The following AKAP6 variants were observed in gnomAD, a reference collection of about 807,000 sequenced individuals.
AKAP6 encodes the protein A-kinase anchor protein 6.
AKAP6 carries 58 observed loss-of-function variants against 188.5 expected under a neutral mutation model. That is an observed-to-expected ratio of 0.31 (90% CI 0.25 to 0.38). The LOEUF is 0.38. Among genes scored for constraint, AKAP6 ranks in the 10% least tolerant of loss-of-function variants. The pLI is 1.00. For missense variants in AKAP6, 2,710 were observed against 2,740.0 expected, an observed-to-expected ratio of 0.99 and a Z score of 0.24; for synonymous variants, 989 against 998.6, an observed-to-expected ratio of 0.99 and a Z score of 0.18.
At chr14:32,564,654 A>G (rs773260250) in intron 4 of AKAP6, among the ~76,000 whole-genome samples, 1 of 152,146 alleles carries the variant, frequency 6.6e-6, no homozygotes, top group African/African-American at 2.4e-5. Flanking sequence ...CTTTGAAGGA[A>G]GCTCTATATG....
intron 2 of AKAP6, among the ~76,000 whole-genome samples, chr14:32,517,138 C>A (rs1486385530): frequency 6.6e-6 from 1 of 152,190 alleles, no homozygotes; most frequent in African/African-American, 2.4e-5. Context: ...ATGACAGAAT[C>A]AATTCATTTC....
At chr14:32,432,900 C>T (rs1890266351) in intron 1 of AKAP6, among the ~76,000 whole-genome samples, 1 of 152,094 alleles carries the variant, frequency 6.6e-6, no homozygotes, top group African/African-American at 2.4e-5. Context: ...CGTGTTTCTA[C>T]CCTCATGCTC....
intron 2 of AKAP6, among the ~76,000 whole-genome samples, chr14:32,476,606 A>G (rs79759237): frequency 0.037 from 5,657 of 152,272 alleles, 360 homozygotes; most frequent in African/African-American, 0.13. Flanking sequence ...AAAGATTAAA[A>G]CCTTCAGACA....
chr14:32,457,714 A>G (rs1891191533), intron 2 of AKAP6, among the ~76,000 whole-genome samples: 1 of 152,186 alleles, frequency 6.6e-6, no homozygotes, highest in South Asian at 2.1e-4. Context: ...TCTCCAGACC[A>G]CATGCTTTTC....
chr14:32,507,349 T>G (rs1566544706), intron 2 of AKAP6, among the ~76,000 whole-genome samples: 1 of 152,310 alleles, frequency 6.6e-6, no homozygotes, highest in East Asian at 1.9e-4. Flanking sequence ...ATCCAGTATC[T>G]CACAATGTAA....
At chr14:32,384,037 CACAA>C (rs998664449) in intron 1 of AKAP6, among the ~76,000 whole-genome samples, 2 of 152,124 alleles carry the variant, frequency 1.3e-5, no homozygotes, top group African/African-American at 4.8e-5. Flanking sequence ...GTTCATGACG[CACAA>C]ACAGCCACCA....
At chr14:32,529,963 CTTTTTTTTTTTTTT>C (rs11305618) in intron 2 of AKAP6, among the ~76,000 whole-genome samples, 4 of 62,018 alleles carry the variant, frequency 6.4e-5, no homozygotes, top group East Asian at 5.5e-4. Flanking sequence ...GGTAAAGAAA[CTTTTTTTTTTTTTT>C]TTTTTTTTTT....
intron 9 of AKAP6, among the ~76,000 whole-genome samples, chr14:32,723,593 A>G (rs909107021): frequency 3.6e-4 from 38 of 104,670 alleles, no homozygotes; most frequent in Admixed American, 1.3e-3. Flanking sequence ...GTGTGTGTGT[A>G]TAGGCTTTAA....
intron 8 of AKAP6, among the ~76,000 whole-genome samples, chr14:32,691,125 T>A (rs1418866173): frequency 6.6e-6 from 1 of 152,186 alleles, no homozygotes; most frequent in South Asian, 2.1e-4. Context: ...GGACTCATAG[T>A]TCTTATATTT....
At chr14:32,406,425 G>A (rs544411156) in intron 1 of AKAP6, among the ~76,000 whole-genome samples, 1 of 152,150 alleles carries the variant, frequency 6.6e-6, no homozygotes, top group African/African-American at 2.4e-5. Context: ...GGCCAGGCTG[G>A]TCTTGGGCTC....
rs960510848 is a variant in AKAP6 at position 32,433,067 on chromosome 14, C to A, written c.-34-393C>A. 5.8e-5 allele frequency: 10 copies of A among 172,904 alleles called. No individual in the cohort carries two copies. The South Asian group carries it at 6.8e-4, about 12-fold the overall frequency. The allele number at this position is 172,904 out of a possible 1,614,324, so 10.7% of individuals were successfully genotyped here. On this transcript the variant is annotated intron_variant, in intron 1 of 13. Coordinates refer to ENST00000280979, the MANE Select transcript of AKAP6 (RefSeq NM_004274.5). ...TTGAGTCAGCTCCCTGTAAGCAGCT[C>A]TCCCAGAATTTCAACACAACAATTC... is the stretch of plus-strand genomic sequence containing the variant.
intron 2 of AKAP6, among the ~76,000 whole-genome samples, chr14:32,486,885 G>A (rs148436697): frequency 0.067 from 10,232 of 152,216 alleles, 1,075 homozygotes; most frequent in African/African-American, 0.22. Context: ...GGGCATCCTC[G>A]TCTTGTGCTG....
chr14:32,500,421 A>G (rs895926005), intron 2 of AKAP6, among the ~76,000 whole-genome samples: 3 of 152,174 alleles, frequency 2.0e-5, no homozygotes, highest in African/African-American at 7.2e-5. Flanking sequence ...GGATAATACA[A>G]TAGTGAACCA....
At position 32,538,992 on chromosome 14, in the gene AKAP6, C is replaced by T. The variant is rs78710851; in HGVS notation, c.576+3187C>T. ...TAATTATTGTTTCTTCCCTGCCTTT[C>T]TTCCTTCTATCTTCTCTATTTATTG... On this transcript the variant is annotated intron_variant, in intron 3 of 13. Transcript: ENST00000280979. Among the ~76,000 whole-genome samples the T allele has an allele frequency of 3.5e-3, 530 of 152,202 alleles. 18 individuals carry two copies. In the East Asian group the frequency reaches 0.066, roughly 19 times the overall value.
At chr14:32,634,963 C>A (rs905637820) in intron 7 of AKAP6, among the ~76,000 whole-genome samples, 1 of 151,328 alleles carries the variant, frequency 6.6e-6, no homozygotes, top group African/African-American at 2.4e-5. Flanking sequence ...AGTTCTTTAG[C>A]GGCGCTTTCT....
At chr14:32,614,465 A>G (rs1391213328) in intron 7 of AKAP6, among the ~76,000 whole-genome samples, 1 of 152,204 alleles carries the variant, frequency 6.6e-6, no homozygotes, top group East Asian at 1.9e-4. Context: ...TTTCCAAGGC[A>G]ATCAATAGTT....
At chr14:32,522,571 A>G in intron 2 of AKAP6, among the ~76,000 whole-genome samples, 1 of 152,264 alleles carries the variant, frequency 6.6e-6, no homozygotes, top group East Asian at 1.9e-4. Context: ...TTATGCAGCT[A>G]ACAGACACAT....
intron 9 of AKAP6, among the ~76,000 whole-genome samples, chr14:32,704,483 C>G (rs1890733793): frequency 6.6e-6 from 1 of 152,130 alleles, no homozygotes; most frequent in South Asian, 2.1e-4. Context: ...CTGAACTACT[C>G]AAAACTATGT....
At chr14:32,418,192 GT>G (rs1889723205) in intron 1 of AKAP6, among the ~76,000 whole-genome samples, 1 of 152,150 alleles carries the variant, frequency 6.6e-6, no homozygotes, top group Non-Finnish European at 1.5e-5. Flanking sequence ...TTGTTTCTGA[GT>G]GTCATGTCAA....
Sources: allele counts gnomAD v4.1 joint callset (sites outside exome capture counted in the v4.1 genomes callset), GRCh38; gene constraint gnomAD v4.1.1; transcripts MANE v1.5; gene names NCBI Gene and HGNC (gene_info 2026-07-23, HGNC 2026-07-21).